FMO5: variants seen among roughly 807,000 people sequenced by gnomAD.
The protein encoded by FMO5 is flavin-containing monooxygenase 5.
A neutral mutation model predicts 43.6 loss-of-function variants in FMO5; 51 were observed. The observed-to-expected ratio is 1.17, with a 90% CI of 0.93 to 1.48. The LOEUF is 1.48. Among genes scored for constraint, FMO5 ranks in the 40% most tolerant of loss-of-function variants. FMO5 has a pLI of 0.00. For missense variants in FMO5, 644 were observed against 643.0 expected (o/e 1.00, Z -0.02); for synonymous variants, 187 against 216.5 (o/e 0.86, Z 1.20).
intron 7 of FMO5, among the ~76,000 whole-genome samples, chr1:147,191,865 T>A (rs182942613): frequency 1.3e-5 from 2 of 152,242 alleles, no homozygotes; most frequent in Non-Finnish European, 2.9e-5. Flanking sequence ...GTTCCATTGA[T>A]CTATATCTCC....
At chr1:147,214,905 A>G (rs1661720655) in intron 3 of FMO5, 1 of 152,174 alleles carries the variant, frequency 6.6e-6, no homozygotes, top group South Asian at 2.1e-4. Flanking sequence ...AAATAAATGA[A>G]GAGAAGCACC....
At chr1:147,189,875 T>G (rs1656355474) in intron 8 of FMO5, among the ~76,000 whole-genome samples, 1 of 152,160 alleles carries the variant, frequency 6.6e-6, no homozygotes, top group Non-Finnish European at 1.5e-5. Flanking sequence ...CAAGTAATCC[T>G]CACAAAAATA....
intron 7 of FMO5, among the ~76,000 whole-genome samples, chr1:147,191,791 T>C (rs1196724104): frequency 2.0e-5 from 3 of 152,144 alleles, no homozygotes; most frequent in African/African-American, 7.3e-5. Flanking sequence ...TTCTTGTTTT[T>C]GTCAGGTTTG....
At chr1:147,196,560 A>G (rs74907021) in intron 7 of FMO5, among the ~76,000 whole-genome samples, 1,677 of 152,192 alleles carry the variant, frequency 0.011, 39 homozygotes, top group African/African-American at 0.039. Flanking sequence ...AGGTATATAC[A>G]TCTTAGTCTA....
At chr1:147,197,934 G>C (rs1169851849) in intron 7 of FMO5, among the ~76,000 whole-genome samples, 1 of 152,196 alleles carries the variant, frequency 6.6e-6, no homozygotes, top group African/African-American at 2.4e-5. Flanking sequence ...AGGAACTGAA[G>C]TTCAGAGATC....
chr1:147,185,535 C>T (rs587650884), downstream of FMO5, among the ~76,000 whole-genome samples: 41 of 152,184 alleles, frequency 2.7e-4, no homozygotes, highest in African/African-American at 9.9e-4. Flanking sequence ...CAGGTAAATT[C>T]GGTGAAAGGG....
intron 6 of FMO5, chr1:147,208,646 C>T: frequency 2.2e-6 from 1 of 446,494 alleles, no homozygotes; most frequent in Non-Finnish European, 4.2e-6. Flanking sequence ...ACCGTGTTGG[C>T]CAGGATGGTC....
rs1661414788 is a variant in FMO5 at position 147,213,450 on chromosome 1, C to T, written c.345G>A (p.Lys115=). 6.2e-7 allele frequency: 1 copy of T among 1,610,108 alleles called. No individual in the cohort carries two copies. The highest frequency in any genetic ancestry group is 8.5e-7 in the Non-Finnish European group (1 of 1,177,888). ...CTGAAGTGGCAAAATCAGGCTGCTT[C>T]TTCACACTGCACACAGTGGTCTGAA... ...IRFKTTVCSV[K]KQPDFATSGQ... is the part of the protein sequence containing the mutation. The change falls in exon 4 of 9, where the codon AAG becomes AAA. Residue 115 remains lysine (K), a synonymous_variant. Transcript: ENST00000254090.
chr1:147,202,006 A>C (rs587684265), intron 6 of FMO5, among the ~76,000 whole-genome samples: 1 of 152,320 alleles, frequency 6.6e-6, no homozygotes, highest in African/African-American at 2.4e-5. Flanking sequence ...GACTCTCACA[A>C]AACTCTATGA....
chr1:147,204,806 T>C, intron 6 of FMO5: 1 of 1,601,804 alleles, frequency 6.2e-7, no homozygotes, highest in Non-Finnish European at 8.6e-7. Flanking sequence ...GCTGTACGAG[T>C]GGTTTGGGCA....
intron 6 of FMO5, chr1:147,203,927 A>ATTTC: frequency 6.8e-7 from 1 of 1,481,378 alleles, no homozygotes; most frequent in South Asian, 1.1e-5. Flanking sequence ...AGGAGGTGTC[A>ATTTC]ATCTAGGAAG....
chr1:147,224,783 T>G (rs1663717915), intron 2 of FMO5, 112 bp downstream of exon 2: 1 of 982,400 alleles, frequency 1.0e-6, no homozygotes, highest in East Asian at 2.4e-5. Context: ...GTGCTAGGAT[T>G]ACAGGCGTGT....
intron 3 of FMO5, 39 bp from the exon 4 acceptor site, chr1:147,213,509 C>T (rs1256703228): frequency 2.6e-6 from 4 of 1,538,416 alleles, no homozygotes; most frequent in Non-Finnish European, 3.5e-6. Context: ...ACATCCCTGA[C>T]ATGACTCTCC....
At chr1:147,198,780 G>A (rs1299293620) in intron 7 of FMO5, among the ~76,000 whole-genome samples, 1 of 150,420 alleles carries the variant, frequency 6.6e-6, no homozygotes, top group East Asian at 1.9e-4. Context: ...GAACCCAGAA[G>A]GTGGAACTTG....
At chr1:147,206,975 C>G (rs185953104) in intron 6 of FMO5, among the ~76,000 whole-genome samples, 1 of 151,354 alleles carries the variant, frequency 6.6e-6, no homozygotes, top group Admixed American at 6.6e-5. Context: ...AGAGACATGA[C>G]AACTAAATGT....
intron 2 of FMO5, among the ~76,000 whole-genome samples, chr1:147,220,903 A>T (rs1662884271): frequency 6.6e-6 from 1 of 150,800 alleles, no homozygotes; most frequent in Middle Eastern, 3.4e-3. Flanking sequence ...ATTGAATGCT[A>T]ATTTCTTACT....
Position 147,206,057 on chromosome 1 carries a change from T to C in FMO5, c.830+2795A>G, listed in dbSNP as rs11239941. Among the ~76,000 whole-genome samples the C allele has an allele frequency of 2.1e-5, 3 of 146,218 alleles. 1 individual carries two copies. Among genetic ancestry groups the C allele is most frequent in the African/African-American group, 7.8e-5 (3 of 38,614 alleles). On this transcript the variant is annotated intron_variant, in intron 6 of 8. Transcript: ENST00000254090. ...ATATCCAGAATCTACAAAGAACTCA[T>C]ACAAATTTACAAGAAAAAAACAAAC...
Position 147,225,074 on chromosome 1 carries a change from A to C in FMO5, c.-37-8T>G. On this transcript the variant is annotated splice_region_variant and splice_polypyrimidine_tract_variant and intron_variant, in intron 1 of 8. Transcript: ENST00000254090. ...CTGTTAGTGTCGCCTGTCCTAAAGA[A>C]AGGATGACAAAAGACAAAAAGCACA... 6.2e-7 allele frequency: 1 copy of C among 1,612,692 alleles called. No homozygotes were observed. Among genetic ancestry groups the C allele is most frequent in the Non-Finnish European group, 8.5e-7 (1 of 1,179,394 alleles).
intron 3 of FMO5, among the ~76,000 whole-genome samples, chr1:147,214,465 A>AG (rs1559670489): frequency 0.012 from 1 of 86 alleles, no homozygotes; most frequent in Non-Finnish European, 0.025. Context: ...AAAACAAAAA[A>AG]CAAAAAAAAA....
Sources: allele counts gnomAD v4.1 joint callset (sites outside exome capture counted in the v4.1 genomes callset), GRCh38; gene constraint gnomAD v4.1.1; transcripts MANE v1.5; gene names NCBI Gene and HGNC (gene_info 2026-07-23, HGNC 2026-07-21).